SLC15A5: variants seen among roughly 807,000 people sequenced by gnomAD.
SLC15A5 encodes Peptide/histidine transporter ENSP00000340402.
In SLC15A5, 58 loss-of-function variants were observed where a neutral mutation model predicts 56.1. That is an observed-to-expected ratio of 1.03 (90% CI 0.84 to 1.29). The LOEUF (loss-of-function observed/expected upper bound fraction) is 1.29, where lower values mean the gene tolerates loss of function less well. Among genes scored for constraint, SLC15A5 ranks in the 50% most tolerant of loss-of-function variants. The pLI is 0.00. For missense variants in SLC15A5, 681 were observed against 672.1 expected, an observed-to-expected ratio of 1.01 and a Z score of -0.15; for synonymous variants, 264 against 250.5, an observed-to-expected ratio of 1.05 and a Z score of -0.51.
In SLC15A5 at chr12:16,243,142, G is replaced by A. The variant is rs1297457351; in HGVS notation, c.975+1438C>T. On this transcript the variant is annotated intron_variant, in intron 4 of 8. Transcript: ENST00000344941. This position sits in a 1 kb window ranked among gnomAD's most constrained non-coding sequence, Gnocchi z 4.4. The stretch of plus-strand genomic sequence containing the variant: ...TAGATACGACAAAACAAAGAGCATG[G>A]CTATGTTCTGATAAAACTTCATTTA... 6.6e-6 allele frequency among the ~76,000 whole-genome samples: 1 copy of A among 151,926 alleles called. No homozygotes were observed. The highest frequency in any genetic ancestry group is 1.5e-5 in the Non-Finnish European group (1 of 68,004).
chr12:16,232,469 A>G (rs1002960503), intron 5 of SLC15A5, among the ~76,000 whole-genome samples: 2 of 152,204 alleles, frequency 1.3e-5, no homozygotes, highest in African/African-American at 2.4e-5. Context: ...AAATTTTTCT[A>G]ATTGAAAGAG....
intron 6 of SLC15A5, among the ~76,000 whole-genome samples, chr12:16,223,160 A>C (rs1864205058): frequency 6.6e-6 from 1 of 151,864 alleles, no homozygotes; most frequent in African/African-American, 2.4e-5. Context: ...TATTTATTTT[A>C]AGGAGTTTGG....
intron 5 of SLC15A5, among the ~76,000 whole-genome samples, chr12:16,229,635 AACACACACACATAC>A (rs982531791): frequency 2.0e-5 from 2 of 99,114 alleles, no homozygotes; most frequent in Admixed American, 1.1e-4. Context: ...CAAAGTAAGC[AACACACACACATAC>A]ACACACACAC....
chr12:16,206,310 C>T (rs557414699), intron 7 of SLC15A5, among the ~76,000 whole-genome samples: 17 of 152,276 alleles, frequency 1.1e-4, no homozygotes, highest in African/African-American at 4.1e-4. Flanking sequence ...GAAATAGTAT[C>T]TTCTTGAAAT....
chr12:16,189,722 AT>A lies in SLC15A5; in HGVS notation c.1685del (p.Tyr562LeufsTer39). 6.5e-7 allele frequency: 1 copy of A among 1,531,316 alleles called. No homozygotes were observed. Among genetic ancestry groups the A allele is most frequent in the Non-Finnish European group, 8.7e-7 (1 of 1,143,942 alleles). 94.9% of individuals were successfully genotyped at this position (1,531,316 alleles called of 1,614,324 possible). A position where few individuals can be genotyped will look rare whatever the true frequency, so the allele number is the denominator to read the frequency against. ...LLLHEKSLKFYGSIQEFSSSI... is the reference protein window; with the variant it reads ...LLLHEKSLKFXGSIQEFSSSI... ...TTGAAGAAAATTCCTGTATACTGCCATAAAATTTCAGAGATTTTTCGTGGAG... is the reference window on the plus strand; with the variant it reads ...TTGAAGAAAATTCCTGTATACTGCCAAAAATTTCAGAGATTTTTCGTGGAG... On this transcript the variant is annotated frameshift_variant, in exon 9 of 9. Transcript: ENST00000344941. LOFTEE classifies it high-confidence loss of function.
chr12:16,190,429 T>C (rs1863829395), intron 8 of SLC15A5, among the ~76,000 whole-genome samples: 1 of 152,176 alleles, frequency 6.6e-6, no homozygotes, highest in African/African-American at 2.4e-5. Context: ...AACTTGATTA[T>C]TCTGAATCCT....
At chr12:16,259,112 G>A (rs1239744105) in intron 2 of SLC15A5, among the ~76,000 whole-genome samples, 1 of 129,708 alleles carries the variant, frequency 7.7e-6, no homozygotes, top group African/African-American at 2.9e-5. Context: ...GCTGACTGCA[G>A]CTTTGACCTC....
At chr12:16,250,636 T>C (rs1197589258) in intron 3 of SLC15A5, among the ~76,000 whole-genome samples, 1 of 151,712 alleles carries the variant, frequency 6.6e-6, no homozygotes, top group South Asian at 2.1e-4. Flanking sequence ...TTGAAAAACA[T>C]AGACTTTTTA....
intron 2 of SLC15A5, among the ~76,000 whole-genome samples, chr12:16,260,281 C>T (rs958608031): frequency 1.3e-5 from 2 of 152,102 alleles, no homozygotes; most frequent in African/African-American, 2.4e-5. Flanking sequence ...TTTTCCATAG[C>T]CCCACTGATA....
intron 6 of SLC15A5, among the ~76,000 whole-genome samples, chr12:16,218,340 A>G (rs886231842): frequency 5.9e-5 from 9 of 152,206 alleles, no homozygotes; most frequent in African/African-American, 2.2e-4. Context: ...TCTTTCCACA[A>G]TGAAATCATA....
intron 3 of SLC15A5, among the ~76,000 whole-genome samples, chr12:16,253,485 G>T (rs1054153731): frequency 1.3e-5 from 2 of 152,074 alleles, no homozygotes; most frequent in Admixed American, 1.3e-4. Flanking sequence ...CAAAGGACTT[G>T]AATAGAATTT....
chr12:16,233,903 G>A (rs1184829034), intron 5 of SLC15A5, among the ~76,000 whole-genome samples: 1 of 152,120 alleles, frequency 6.6e-6, no homozygotes, highest in Non-Finnish European at 1.5e-5. Context: ...ACACTGTCAG[G>A]CCTGATCTAG....
At chr12:16,197,294 A>G (rs1411905131) in intron 7 of SLC15A5, among the ~76,000 whole-genome samples, 1 of 152,160 alleles carries the variant, frequency 6.6e-6, no homozygotes, top group Non-Finnish European at 1.5e-5. Flanking sequence ...AAAGAGAAGC[A>G]TCGCCTGAAT....
intron 2 of SLC15A5, among the ~76,000 whole-genome samples, chr12:16,262,338 C>T (rs1031031874): frequency 2.6e-5 from 4 of 152,180 alleles, no homozygotes; most frequent in Non-Finnish European, 5.9e-5. Context: ...CCTCTCATCA[C>T]ATTTTATATA....
At chr12:16,199,378 G>C (rs773113482) in intron 7 of SLC15A5, among the ~76,000 whole-genome samples, 3 of 150,656 alleles carry the variant, frequency 2.0e-5, no homozygotes, top group Non-Finnish European at 4.4e-5. Context: ...ACACCCCCAG[G>C]TCACCAATGT....
rs999451338 is a variant in SLC15A5 at position 16,196,004 on chromosome 12, G to A, written c.1484-1551C>T. On this transcript the variant is annotated intron_variant, in intron 7 of 8. Transcript: ENST00000344941. The surrounding 1 kb of genome is among the most constrained non-coding windows in gnomAD (Gnocchi z 4.0). ...CGGTAAAGTGCAACTTACAAAATAG[G>A]TATTATTTTGTCAAAAGAACTGGGT... Among the ~76,000 whole-genome samples, 9 of 151,852 alleles carry A rather than the reference G, an allele frequency of 5.9e-5. No homozygotes were observed. Among genetic ancestry groups the A allele is most frequent in the African/African-American group, 2.2e-4 (9 of 41,348 alleles).
At chr12:16,205,625 A>T (rs1864011991) in intron 7 of SLC15A5, among the ~76,000 whole-genome samples, 1 of 124,646 alleles carries the variant, frequency 8.0e-6, no homozygotes, top group Non-Finnish European at 1.8e-5. Context: ...ATATACACAT[A>T]TATATATACA....
At chr12:16,191,271 C>G (rs1863835934) in intron 8 of SLC15A5, among the ~76,000 whole-genome samples, 1 of 151,764 alleles carries the variant, frequency 6.6e-6, no homozygotes, top group South Asian at 2.1e-4. Flanking sequence ...TGGTTTGGTT[C>G]TAGGACTTAA....
chr12:16,267,610 C>G (rs1241320117), intron 2 of SLC15A5, among the ~76,000 whole-genome samples: 1 of 110,680 alleles, frequency 9.0e-6, no homozygotes, highest in African/African-American at 3.7e-5. Flanking sequence ...ACTCTCTCTC[C>G]CAAGCTCTCC....
Sources: allele counts gnomAD v4.1 joint callset (sites outside exome capture counted in the v4.1 genomes callset), GRCh38; gene constraint gnomAD v4.1.1; non-coding constraint Gnocchi (gnomAD v3.1); transcripts MANE v1.5; gene names NCBI Gene and HGNC (gene_info 2026-07-23, HGNC 2026-07-21).